ADGRV1: variants seen among roughly 807,000 people sequenced by gnomAD.
ADGRV1 encodes adhesion G protein-coupled receptor V1.
In ADGRV1, 359 loss-of-function variants were observed where a neutral mutation model predicts 596.2. The ratio of observed to expected loss-of-function variants is 0.60; its 90% CI spans 0.55 to 0.66. The LOEUF is 0.66. Ranked by LOEUF, ADGRV1 falls within the 30% of genes least tolerant of loss-of-function variation. ADGRV1 has a pLI of 0.00. For missense variants in ADGRV1, 7,274 were observed against 7,575.6 expected (o/e 0.96, Z 1.48); for synonymous variants, 2,681 against 2,679.2 (o/e 1.00, Z -0.02).
intron 85 of ADGRV1, among the ~76,000 whole-genome samples, chr5:91,003,162 T>C (rs1294966068): frequency 1.3e-5 from 2 of 152,160 alleles, no homozygotes; most frequent in African/African-American, 4.8e-5. Flanking sequence ...GTTGAAGGGA[T>C]GGACTGCTAG....
At chr5:90,635,327 G>A (rs1449369384) in intron 10 of ADGRV1, 37 bp downstream of exon 10, 3 of 1,538,646 alleles carry the variant, frequency 1.9e-6, no homozygotes, top group Admixed American at 1.9e-5. Context: ...GGGCTAATGA[G>A]TATGAAGTAA....
At chr5:90,721,936 TAAG>T (rs1175928043) in intron 45 of ADGRV1, among the ~76,000 whole-genome samples, 1 of 152,084 alleles carries the variant, frequency 6.6e-6, no homozygotes, top group Non-Finnish European at 1.5e-5. Flanking sequence ...GGTACAGAAA[TAAG>T]GAGGAATGTT....
intron 75 of ADGRV1, among the ~76,000 whole-genome samples, chr5:90,822,759 A>C (rs1159898551): frequency 6.6e-6 from 1 of 152,156 alleles, no homozygotes; most frequent in Non-Finnish European, 1.5e-5. Context: ...TCCTACCCAT[A>C]AGCATGGAAT....
intron 22 of ADGRV1, 89 bp downstream of exon 22, chr5:90,672,811 T>A: frequency 1.1e-6 from 1 of 935,052 alleles, no homozygotes; most frequent in Non-Finnish European, 1.6e-6. Flanking sequence ...AGCTTTTGAT[T>A]GAAGTGTCGC....
chr5:91,060,398 A>ATATATATATATATTTTT (rs796332430), intron 85 of ADGRV1, among the ~76,000 whole-genome samples: 2 of 60,526 alleles, frequency 3.3e-5, no homozygotes, highest in African/African-American at 9.3e-5. Context: ...ATATATATAT[A>ATATATATATATATTTTT]TTTTTTTTTT....
rs771078448 is a variant in ADGRV1 at position 90,708,823 on chromosome 5, T to C, written c.8738T>C (p.Val2913Ala). Residue 2913 changes from valine to alanine, a missense_variant, in exon 39 of 90, where the codon GTA becomes GCA. Coordinates refer to ENST00000405460, the MANE Select transcript of ADGRV1 (RefSeq NM_032119.4). ...AINITILEDD[V>A]PELEEYFLVN... The stretch of plus-strand genomic sequence containing the variant: ...TGAGTGTAATTTTTTCAGGATGATG[T>C]ACCAGAGCTAGAAGAATATTTCCTG... 5 of 1,606,300 alleles carry C rather than the reference T, an allele frequency of 3.1e-6. No individual in the cohort carries two copies. Among genetic ancestry groups the C allele is most frequent in the Non-Finnish European group, 3.4e-6 (4 of 1,174,082 alleles).
chr5:91,108,257 T>G (rs1471650584), intron 87 of ADGRV1, among the ~76,000 whole-genome samples: 1 of 152,210 alleles, frequency 6.6e-6, no homozygotes, highest in Non-Finnish European at 1.5e-5. Context: ...CTACATAGTA[T>G]TAACAGTAAG....
At chr5:90,989,362 T>C (rs1439401733) in intron 85 of ADGRV1, among the ~76,000 whole-genome samples, 1 of 152,234 alleles carries the variant, frequency 6.6e-6, no homozygotes, top group Non-Finnish European at 1.5e-5. Flanking sequence ...ATGTCCACTA[T>C]CCACCCACAT....
At position 90,789,720 on chromosome 5, in the gene ADGRV1, C is replaced by G; in HGVS notation, c.13912C>G (p.Pro4638Ala). 6.4e-7 allele frequency: 1 copy of G among 1,553,196 alleles called. No homozygotes were observed. The highest frequency in any genetic ancestry group is 1.9e-5 in the Admixed American group (1 of 52,856). ...VTLTIQEFGD[P>A]NGVVQFAPET... ...TTTTTAGATACAAGAGTTTGGTGAC[C>G]CAAATGGAGTTGTTCAGTTTGCTCC... The change falls in exon 69 of 90, where the codon CCA becomes GCA. Residue 4638 changes from proline (P) to alanine (A), a missense_variant. Physicochemically the swap from Pro to Ala is conservative, Grantham distance 27. Coordinates refer to ENST00000405460, the MANE Select transcript of ADGRV1 (RefSeq NM_032119.4).
At chr5:90,572,402 C>A (rs1393589393) in intron 1 of ADGRV1, among the ~76,000 whole-genome samples, 2 of 152,014 alleles carry the variant, frequency 1.3e-5, no homozygotes, top group African/African-American at 4.8e-5. Context: ...TAAAAAAGTT[C>A]TTCTGAAGAA....
chr5:90,693,127 T>C (rs1041253123), intron 32 of ADGRV1, among the ~76,000 whole-genome samples: 5 of 151,908 alleles, frequency 3.3e-5, no homozygotes, highest in African/African-American at 1.2e-4. Flanking sequence ...AGGAGCTGAT[T>C]TCCAGGTCTG....
At chr5:90,654,014 A>T in intron 20 of ADGRV1, 62 bp downstream of exon 20, 7 of 1,515,710 alleles carry the variant, frequency 4.6e-6, no homozygotes, top group Non-Finnish European at 6.3e-6. Context: ...TTTCATTAAA[A>T]TTTAGATTTT....
chr5:90,759,331 C>A, intron 57 of ADGRV1, 78 bp from the exon 58 acceptor site: 3 of 1,082,406 alleles, frequency 2.8e-6, no homozygotes, highest in South Asian at 1.6e-5. Flanking sequence ...ACTGTGATTA[C>A]ATTATTTCTT....
At chr5:90,702,436 T>G (rs2149680221) in intron 34 of ADGRV1, among the ~76,000 whole-genome samples, 1 of 152,048 alleles carries the variant, frequency 6.6e-6, no homozygotes, top group East Asian at 1.9e-4. Context: ...TTATCCACTC[T>G]CCTTAAAATG....
intron 75 of ADGRV1, among the ~76,000 whole-genome samples, chr5:90,823,096 C>A (rs542851740): frequency 1.3e-5 from 2 of 152,200 alleles, no homozygotes; most frequent in Admixed American, 6.5e-5. Context: ...TTGACTTCCT[C>A]TTTTCCTAAT....
At chr5:90,842,232 T>C (rs796135976) in intron 78 of ADGRV1, among the ~76,000 whole-genome samples, 7 of 152,324 alleles carry the variant, frequency 4.6e-5, no homozygotes, top group African/African-American at 1.7e-4. Flanking sequence ...AGTTGTCAGA[T>C]AGTACATCTT....
At chr5:90,688,919 A>G (rs1338473598) in intron 29 of ADGRV1, among the ~76,000 whole-genome samples, 3 of 152,284 alleles carry the variant, frequency 2.0e-5, no homozygotes, top group African/African-American at 7.2e-5. Context: ...AAGAGCAAGG[A>G]AGAGGCAACA....
At chr5:91,003,572 T>A (rs773355258) in intron 85 of ADGRV1, among the ~76,000 whole-genome samples, 15 of 152,166 alleles carry the variant, frequency 9.9e-5, no homozygotes, top group Non-Finnish European at 2.2e-4. Context: ...GGAGAAAACA[T>A]CTCGCCTTGT....
At chr5:90,585,152 A>T (rs576016390) in intron 1 of ADGRV1, among the ~76,000 whole-genome samples, 2 of 152,352 alleles carry the variant, frequency 1.3e-5, no homozygotes, top group South Asian at 4.1e-4. Flanking sequence ...GTGAGAAATT[A>T]TCCAAACACA....
Sources: gnomAD v4.1 joint callset for allele counts (sites outside exome capture counted in the v4.1 genomes callset) on GRCh38, gnomAD v4.1.1 for gene constraint, MANE v1.5 for transcripts, NCBI Gene and HGNC (gene_info 2026-07-23, HGNC 2026-07-21) for gene names.